Variants in STEAP2 observed in about 807,000 individuals in gnomAD.
The protein encoded by STEAP2 is metalloreductase STEAP2.
Under a neutral mutation model 46.4 loss-of-function variants are expected in STEAP2, and 30 were observed. The observed-to-expected ratio is 0.65, with a 90% CI of 0.48 to 0.88. The LOEUF is 0.88. STEAP2 is among the 40% of genes least tolerant of loss of function. STEAP2 has a pLI of 0.00. For missense variants in STEAP2, 513 were observed against 579.3 expected (o/e 0.89, Z 1.18); for synonymous variants, 180 against 200.5 (o/e 0.90, Z 0.86).
intron 4 of STEAP2, among the ~76,000 whole-genome samples, chr7:90,229,367 A>G (rs1795639072): frequency 6.6e-6 from 1 of 152,192 alleles, no homozygotes; most frequent in African/African-American, 2.4e-5. Flanking sequence ...GATGAGAAGA[A>G]AGATAAAACA....
intron 2 of STEAP2, among the ~76,000 whole-genome samples, chr7:90,220,885 C>T (rs979448487): frequency 3.3e-5 from 5 of 151,984 alleles, no homozygotes; most frequent in Non-Finnish European, 7.4e-5. Context: ...TCTTTGCCCC[C>T]GTAGTCATTT....
chr7:90,222,612 G>A (rs1237378341), intron 2 of STEAP2, among the ~76,000 whole-genome samples: 2 of 152,118 alleles, frequency 1.3e-5, no homozygotes, highest in South Asian at 2.1e-4. Context: ...GACAGTATTA[G>A]CACCTGTCTC....
chr7:90,214,879 T>C (rs1042856045), intron 1 of STEAP2, among the ~76,000 whole-genome samples: 1 of 152,136 alleles, frequency 6.6e-6, no homozygotes, highest in African/African-American at 2.4e-5. Context: ...ATTCATTGTC[T>C]CCAATGAGTA....
In STEAP2 at chr7:90,236,266, A is replaced by C; in HGVS notation, c.*3642A>C. 1.1e-6 allele frequency: 1 copy of C among 909,368 alleles called. No individual in the cohort carries two copies. The highest frequency in any genetic ancestry group is 1.3e-6 in the Non-Finnish European group (1 of 760,882). 56.3% of individuals were successfully genotyped at this position (909,368 alleles called of 1,614,324 possible). On this transcript the variant is annotated 3_prime_UTR_variant, in exon 6 of 6. Coordinates refer to ENST00000394621, the MANE Select transcript of STEAP2 (RefSeq NM_001244944.2). ...TTAAATAAAGTATCATAAATGTAAT[A>C]AGTAAATATTTATTTAGGAATACTG...
downstream of STEAP2, chr7:90,237,966 T>C: frequency 1.5e-6 from 1 of 671,750 alleles, no homozygotes; most frequent in South Asian, 1.7e-5. Context: ...ATGTGATCTA[T>C]GATGGATACT....
chr7:90,237,093 C>T lies in STEAP2; in HGVS notation c.*4469C>T. On this transcript the variant is annotated 3_prime_UTR_variant, in exon 6 of 6. Transcript: ENST00000394621. ...TGTCCTTTTTCATCCCTTCATCTTG[C>T]TGCTGGGATTGTGGATATAACAGGA... is the stretch of plus-strand genomic sequence containing the variant. 1 of 857,124 alleles carries T rather than the reference C, an allele frequency of 1.2e-6. No homozygotes were observed. Among genetic ancestry groups the T allele is most frequent in the East Asian group, 2.8e-5 (1 of 35,220 alleles). The allele number at this position is 857,124 out of a possible 1,614,324, so 53.1% of individuals were successfully genotyped here. A position where few individuals can be genotyped will look rare whatever the true frequency, so the allele number is the denominator to read the frequency against.
At chr7:90,238,266 A>C (rs527388868), downstream of STEAP2, 2 of 591,386 alleles carry the variant, frequency 3.4e-6, no homozygotes, top group Non-Finnish European at 3.2e-6. Flanking sequence ...TGGCTTCCCC[A>C]GCTGCTGCCT....
chr7:90,235,144 T>G lies in STEAP2; in HGVS notation c.*2520T>G, dbSNP rs1795918860. 16 of 950,640 alleles carry G rather than the reference T, an allele frequency of 1.7e-5. No homozygotes were observed. The Admixed American group carries it at 7.4e-4, about 44-fold the overall frequency. 58.9% of individuals were successfully genotyped at this position (950,640 alleles called of 1,614,324 possible). A position where few individuals can be genotyped will look rare whatever the true frequency, so the allele number is the denominator to read the frequency against. On this transcript the variant is annotated 3_prime_UTR_variant, in exon 6 of 6. Transcript: ENST00000394621. ...TATATTGTTGCATGTATATATTAAG[T>G]AGCCGATACTCTAAATAAAAATACC...
At chr7:90,212,827 C>A (rs1486568126) in intron 1 of STEAP2, among the ~76,000 whole-genome samples, 5 of 139,228 alleles carry the variant, frequency 3.6e-5, no homozygotes, top group Admixed American at 2.8e-4. Context: ...GCCCCACCCC[C>A]ACCCCCACCC....
Position 90,236,221 on chromosome 7 carries a change from A to G in STEAP2, c.*3597A>G, listed in dbSNP as rs1795956058. On this transcript the variant is annotated 3_prime_UTR_variant, in exon 6 of 6. Coordinates refer to ENST00000394621, the MANE Select transcript of STEAP2 (RefSeq NM_001244944.2). ...AAAGAGATTTATTTATGAAATATTT[A>G]AAGTTTCTAATGTGGTATTTTAAAT... is the stretch of plus-strand genomic sequence containing the variant. 1.2e-6 allele frequency: 1 copy of G among 814,862 alleles called. No individual in the cohort carries two copies. The highest frequency in any genetic ancestry group is 1.5e-6 in the Non-Finnish European group (1 of 675,568). The allele number at this position is 814,862 out of a possible 1,614,324, so 50.5% of individuals were successfully genotyped here.
At chr7:90,223,578 T>C (rs1795350519) in intron 2 of STEAP2, among the ~76,000 whole-genome samples, 1 of 152,220 alleles carries the variant, frequency 6.6e-6, no homozygotes, top group African/African-American at 2.4e-5. Flanking sequence ...CAAGTGAAGT[T>C]ATATGCTTGC....
chr7:90,232,692 TCA>T lies in STEAP2; in HGVS notation c.*69_*70del, dbSNP rs1206675434. On this transcript the variant is annotated 3_prime_UTR_variant, in exon 6 of 6. Transcript: ENST00000394621. ...GCCATTATTTTTATGACTTCTACGT[TCA>T]GTTACAAGTATGCTGTCAAATTATC... 5.4e-6 allele frequency: 8 copies of T among 1,482,374 alleles called. No individual in the cohort carries two copies. Among genetic ancestry groups the T allele is most frequent in the Non-Finnish European group, 7.2e-6 (8 of 1,115,746 alleles). The allele number at this position is 1,482,374 out of a possible 1,614,324, so 91.8% of individuals were successfully genotyped here.
In STEAP2 at chr7:90,225,058, T is replaced by C. The variant is rs1295738998; in HGVS notation, c.-25T>C. On this transcript the variant is annotated 5_prime_UTR_variant, in exon 3 of 6. Coordinates refer to ENST00000394621, the MANE Select transcript of STEAP2 (RefSeq NM_001244944.2). ...TATTTTCTCTCCCCTAGGATATTCT[T>C]GGTGATCTTGGAAGTGTCCGTATCA... 1 of 1,601,676 alleles carries C rather than the reference T, an allele frequency of 6.2e-7. No individual in the cohort carries two copies. Among genetic ancestry groups the C allele is most frequent in the Non-Finnish European group, 8.5e-7 (1 of 1,174,162 alleles).
At position 90,236,738 on chromosome 7, in the gene STEAP2, A is replaced by C; in HGVS notation, c.*4114A>C. On this transcript the variant is annotated 3_prime_UTR_variant, in exon 6 of 6. Coordinates refer to ENST00000394621, the MANE Select transcript of STEAP2 (RefSeq NM_001244944.2). ...TTTTTTTTAACTTTCTAAATTATTGAATTTCCATCATGCATTCATCCAAAA... is the reference window on the plus strand; with the variant it reads ...TTTTTTTTAACTTTCTAAATTATTGCATTTCCATCATGCATTCATCCAAAA... The C allele has an allele frequency of 7.1e-7, 1 of 1,403,174 alleles. No individual in the cohort carries two copies. Among genetic ancestry groups the C allele is most frequent in the South Asian group, 1.7e-5 (1 of 59,760 alleles). The allele number at this position is 1,403,174 out of a possible 1,614,324, so 86.9% of individuals were successfully genotyped here. A position where few individuals can be genotyped will look rare whatever the true frequency, so the allele number is the denominator to read the frequency against.
chr7:90,226,589 A>G (rs1368464242), intron 3 of STEAP2, among the ~76,000 whole-genome samples: 1 of 152,208 alleles, frequency 6.6e-6, no homozygotes, highest in African/African-American at 2.4e-5. Context: ...TGTCACCATT[A>G]TGTAAATAGA....
In STEAP2 at chr7:90,219,601, G is replaced by T. The variant is rs148858293; in HGVS notation, c.-34+2998G>T. Reference sequence around the variant, plus strand: ...GGTGATGTATCACAGTTGTTGATTTGCATATGTTGAACCATCCTTGTATCC... The same window carrying T: ...GGTGATGTATCACAGTTGTTGATTTTCATATGTTGAACCATCCTTGTATCC... On this transcript the variant is annotated intron_variant, in intron 2 of 5. Coordinates refer to ENST00000394621, the MANE Select transcript of STEAP2 (RefSeq NM_001244944.2). Among the ~76,000 whole-genome samples the T allele has an allele frequency of 4.6e-5, 7 of 152,144 alleles. No homozygotes were observed. The East Asian group carries it at 1.4e-3, about 29-fold the overall frequency.
intron 2 of STEAP2, among the ~76,000 whole-genome samples, chr7:90,222,125 A>G (rs1044166570): frequency 2.0e-5 from 3 of 151,960 alleles, no homozygotes; most frequent in African/African-American, 7.3e-5. Context: ...CATGGATTTC[A>G]TTACTTCTGG....
chr7:90,212,934 C>T (rs1794878188), intron 1 of STEAP2, among the ~76,000 whole-genome samples: 1 of 151,442 alleles, frequency 6.6e-6, no homozygotes, highest in African/African-American at 2.4e-5. Flanking sequence ...CTTTTCTCCA[C>T]TTTATTATTT....
rs1208116591 is a variant in STEAP2 at position 90,232,647 on chromosome 7, C to T, written c.*23C>T. ...TGATGACAAATGGTGTTCACAGCTGCCATATAAAGTTCTACTCATGCCATT... is the reference window on the plus strand; with the variant it reads ...TGATGACAAATGGTGTTCACAGCTGTCATATAAAGTTCTACTCATGCCATT... On this transcript the variant is annotated 3_prime_UTR_variant, in exon 6 of 6. Coordinates refer to ENST00000394621, the MANE Select transcript of STEAP2 (RefSeq NM_001244944.2). The T allele has an allele frequency of 1.3e-6, 2 of 1,574,352 alleles. No homozygotes were observed. Among genetic ancestry groups the T allele is most frequent in the South Asian group, 1.2e-5 (1 of 84,930 alleles).
Sources: allele counts gnomAD v4.1 joint callset (sites outside exome capture counted in the v4.1 genomes callset), GRCh38; gene constraint gnomAD v4.1.1; transcripts MANE v1.5; gene names NCBI Gene and HGNC (gene_info 2026-07-23, HGNC 2026-07-21).